GRID2: variants seen among roughly 807,000 people sequenced by gnomAD.
GRID2 encodes the protein glutamate ionotropic receptor delta type subunit 2.
In GRID2, 33 loss-of-function variants were observed where a neutral mutation model predicts 114.8. That is an observed-to-expected ratio of 0.29 (90% confidence interval 0.22 to 0.38). The LOEUF is 0.38. Among genes scored for constraint, GRID2 ranks in the 10% least tolerant of loss-of-function variants. The probability of loss-of-function intolerance (pLI) is 1.00; values close to 1 mark genes in which losing one functional copy is unlikely to be tolerated. For synonymous variants in GRID2, 505 were observed against 449.9 expected (o/e 1.12, Z -1.55); for missense variants, 1,184 against 1,257.7 (o/e 0.94, Z 0.89).
At chr4:92,648,862 T>C (rs1402084585) in intron 2 of GRID2, among the ~76,000 whole-genome samples, 2 of 147,358 alleles carry the variant, frequency 1.4e-5, no homozygotes, top group Non-Finnish European at 3.0e-5. Flanking sequence ...AAAATTAAGT[T>C]GTCAAATTGA....
intron 2 of GRID2, among the ~76,000 whole-genome samples, chr4:92,740,178 G>A (rs976984324): frequency 1.3e-5 from 2 of 152,160 alleles, no homozygotes; most frequent in African/African-American, 4.8e-5. Context: ...TACCTAGTAA[G>A]GCCAGCTCAA....
intron 2 of GRID2, among the ~76,000 whole-genome samples, chr4:92,755,938 AG>A (rs1239514072): frequency 6.6e-6 from 1 of 152,142 alleles, no homozygotes; most frequent in African/African-American, 2.4e-5. Flanking sequence ...CATCACCATG[AG>A]CATTTATCTT....
chr4:92,671,013 G>GT (rs1733034289), intron 2 of GRID2, among the ~76,000 whole-genome samples: 1 of 152,078 alleles, frequency 6.6e-6, no homozygotes, highest in South Asian at 2.1e-4. Flanking sequence ...CATACTAACT[G>GT]TATTAGTCTG....
At chr4:93,088,572 A>C (rs957559607) in intron 3 of GRID2, among the ~76,000 whole-genome samples, 1 of 152,122 alleles carries the variant, frequency 6.6e-6, no homozygotes, top group African/African-American at 2.4e-5. Flanking sequence ...GAATGACTTC[A>C]CTCTTGATTA....
chr4:92,504,683 ATT>A (rs1723864750), intron 1 of GRID2, among the ~76,000 whole-genome samples: 1 of 152,016 alleles, frequency 6.6e-6, no homozygotes, highest in Non-Finnish European at 1.5e-5. Context: ...GATCATGAAT[ATT>A]TGGCAGGCAG....
chr4:93,109,771 A>G (rs1330319104), intron 3 of GRID2, among the ~76,000 whole-genome samples: 2 of 152,306 alleles, frequency 1.3e-5, no homozygotes, highest in East Asian at 3.9e-4. Context: ...AGCATAATCT[A>G]TATTAAGCTT....
At position 92,663,319 on chromosome 4, in the gene GRID2, A is replaced by T. The variant is rs142240877; in HGVS notation, c.244+73033A>T. The stretch of plus-strand genomic sequence containing the variant: ...ACTGGAAAAATAAAATGGGCTTCAA[A>T]GTTCACTTGTGTAAATTGATGAAGG... On this transcript the variant is annotated intron_variant, in intron 2 of 15. Coordinates refer to ENST00000282020, the MANE Select transcript of GRID2 (RefSeq NM_001510.4). 1.2e-3 allele frequency among the ~76,000 whole-genome samples: 187 copies of T among 151,330 alleles called. 3 individuals carry two copies. The East Asian group carries it at 0.033, about 26-fold the overall frequency.
At chr4:92,629,851 A>T (rs1363867374) in intron 2 of GRID2, among the ~76,000 whole-genome samples, 1 of 147,968 alleles carries the variant, frequency 6.8e-6, no homozygotes, top group African/African-American at 2.4e-5. Flanking sequence ...ACAATAACAC[A>T]ATGAAAGTAA....
intron 1 of GRID2, among the ~76,000 whole-genome samples, chr4:92,348,533 G>A (rs1727896859): frequency 6.6e-6 from 1 of 152,152 alleles, no homozygotes; most frequent in African/African-American, 2.4e-5. Flanking sequence ...CAGAAAGACT[G>A]AAGAGCTAAA....
At chr4:92,949,165 T>TGAGA (rs374366766) in intron 2 of GRID2, among the ~76,000 whole-genome samples, 2,090 of 150,338 alleles carry the variant, frequency 0.014, 16 homozygotes, top group East Asian at 0.049. Flanking sequence ...TGTGTGTGTG[T>TGAGA]GAGAGAGAGA....
At chr4:92,944,392 C>T (rs113312597) in intron 2 of GRID2, among the ~76,000 whole-genome samples, 41 of 152,338 alleles carry the variant, frequency 2.7e-4, no homozygotes, top group African/African-American at 9.4e-4. Context: ...GATATAATCT[C>T]CTGGTGTCCT....
chr4:93,162,270 A>G (rs892400643), intron 4 of GRID2, among the ~76,000 whole-genome samples: 8 of 151,988 alleles, frequency 5.3e-5, no homozygotes, highest in African/African-American at 1.9e-4. Context: ...ATATGAAGAC[A>G]GTGCTTAATT....
intron 13 of GRID2, among the ~76,000 whole-genome samples, chr4:93,554,377 T>C (rs1195265647): frequency 2.6e-5 from 4 of 152,198 alleles, no homozygotes; most frequent in Non-Finnish European, 4.4e-5. Context: ...TTGAATCTTC[T>C]TTTCCCTCTG....
At chr4:93,149,825 A>G (rs1326019609) in intron 4 of GRID2, among the ~76,000 whole-genome samples, 1 of 151,898 alleles carries the variant, frequency 6.6e-6, no homozygotes, top group Non-Finnish European at 1.5e-5. Context: ...TGTAGAGATG[A>G]GGTCTCACTA....
rs545186013 is a variant in GRID2 at position 93,396,459 on chromosome 4, G to A, written c.1347+751G>A. ...TAGGTTATAGAGTGTGGATATGCTG[G>A]ACAAAGGGATGAGTCACATCCAGGG... On this transcript the variant is annotated intron_variant, in intron 9 of 15. Coordinates refer to ENST00000282020, the MANE Select transcript of GRID2 (RefSeq NM_001510.4). 5.3e-5 allele frequency among the ~76,000 whole-genome samples: 8 copies of A among 152,004 alleles called. No individual in the cohort carries two copies. In the South Asian group the frequency reaches 1.7e-3, roughly 32 times the overall value.
At chr4:93,616,151 T>G (rs1741618407) in intron 13 of GRID2, among the ~76,000 whole-genome samples, 1 of 152,194 alleles carries the variant, frequency 6.6e-6, no homozygotes, top group South Asian at 2.1e-4. Context: ...ATCAAAAATT[T>G]TAATTATGAA....
chr4:93,066,834 T>C (rs1203005991), intron 2 of GRID2, among the ~76,000 whole-genome samples: 1 of 151,950 alleles, frequency 6.6e-6, no homozygotes, highest in Non-Finnish European at 1.5e-5. Context: ...TGACGTAAAA[T>C]AAGAGTTACT....
chr4:93,751,357 A>G (rs1732301413), intron 14 of GRID2, among the ~76,000 whole-genome samples: 1 of 151,472 alleles, frequency 6.6e-6, no homozygotes, highest in Admixed American at 6.6e-5. Flanking sequence ...TGAGAATGAG[A>G]CTCTATAATT....
At chr4:92,964,067 G>A (rs979240536) in intron 2 of GRID2, among the ~76,000 whole-genome samples, 1 of 152,006 alleles carries the variant, frequency 6.6e-6, no homozygotes, top group African/African-American at 2.4e-5. Context: ...GTAAACAGAT[G>A]TGCTGTCATC....
Sources: gnomAD v4.1 joint callset for allele counts (sites outside exome capture counted in the v4.1 genomes callset) on GRCh38, gnomAD v4.1.1 for gene constraint, MANE v1.5 for transcripts, NCBI Gene and HGNC (gene_info 2026-07-23, HGNC 2026-07-21) for gene names.